The following TUSC3 variants were observed in gnomAD, a reference collection of about 807,000 sequenced individuals.
TUSC3 encodes the protein tumor suppressor candidate 3.
A neutral mutation model predicts 44.8 loss-of-function variants in TUSC3; 45 were observed. The observed-to-expected ratio is 1.00, with a 90% CI of 0.79 to 1.29. The LOEUF is 1.29. Ranked by LOEUF, TUSC3 falls within the 50% of genes most tolerant of loss-of-function variation. The pLI is 0.00. For missense variants in TUSC3, 519 were observed against 437.9 expected (o/e 1.19, Z -1.65); for synonymous variants, 212 against 152.9 (o/e 1.39, Z -2.85).
At chr8:15,759,753 C>G (rs1209956620) in intron 10 of TUSC3, among the ~76,000 whole-genome samples, 1 of 152,112 alleles carries the variant, frequency 6.6e-6, no homozygotes, top group East Asian at 1.9e-4. Context: ...TATACATTAT[C>G]AAGTCCTGAC....
intron 5 of TUSC3, among the ~76,000 whole-genome samples, chr8:15,662,805 G>A (rs763589596): frequency 2.6e-5 from 4 of 152,030 alleles, no homozygotes; most frequent in East Asian, 1.9e-4. Context: ...GTGCTATGAC[G>A]GCAGTAAGTA....
intron 9 of TUSC3, among the ~76,000 whole-genome samples, chr8:15,751,544 CAGT>C (rs1200454211): frequency 6.6e-6 from 1 of 152,110 alleles, no homozygotes; most frequent in Non-Finnish European, 1.5e-5. Flanking sequence ...TTTCATCCCC[CAGT>C]ATAGGGGCGT....
intron 7 of TUSC3, among the ~76,000 whole-genome samples, chr8:15,741,920 A>G (rs541865537): frequency 2.0e-5 from 3 of 152,160 alleles, no homozygotes; most frequent in Non-Finnish European, 4.4e-5. Context: ...GAAATCTCCT[A>G]CATATGAACA....
At chr8:15,750,980 A>G (rs352788) in intron 9 of TUSC3, among the ~76,000 whole-genome samples, 7,738 of 152,300 alleles carry the variant, frequency 0.051, 444 homozygotes, top group African/African-American at 0.14. Flanking sequence ...GAGCCTATCA[A>G]AGAAGCTTGG....
At chr8:15,608,029 T>C (rs1034108103) in intron 1 of TUSC3, among the ~76,000 whole-genome samples, 3 of 152,210 alleles carry the variant, frequency 2.0e-5, no homozygotes, top group African/African-American at 7.2e-5. Flanking sequence ...CAAACCAGAA[T>C]GGTGAGAATG....
At position 15,563,685 on chromosome 8, in the gene TUSC3, CAA is replaced by C. The variant is rs150368776; in HGVS notation, c.138+23136_138+23137del. Among the ~76,000 whole-genome samples, 226 of 79,948 alleles carry C rather than the reference CAA, an allele frequency of 2.8e-3. 1 individual carries two copies. Among genetic ancestry groups the C allele is most frequent in the South Asian group, 0.028 (49 of 1,776 alleles). The allele number at this position is 79,948 out of a possible 152,430, so 52.4% of individuals were successfully genotyped here. A position where few individuals can be genotyped will look rare whatever the true frequency, so the allele number is the denominator to read the frequency against. ...TGAGTGACAGAGTGAGCCTCCATCT[CAA>C]AAAAAAAAAAAAAAAAAAGAACAAC... On this transcript the variant is annotated intron_variant, in intron 1 of 10. Transcript: ENST00000503731.
At chr8:15,551,308 T>C (rs1481010132) in intron 1 of TUSC3, among the ~76,000 whole-genome samples, 4 of 151,706 alleles carry the variant, frequency 2.6e-5, no homozygotes, top group Admixed American at 6.6e-5. Context: ...ATATAAAATA[T>C]GGTAATAGAA....
At chr8:15,772,254 G>A in the TUSC3 span, among the ~76,000 whole-genome samples, 9 of 151,986 alleles carry the variant, frequency 5.9e-5, no homozygotes, top group East Asian at 1.9e-4. Flanking sequence ...CAATGAAACC[G>A]AAAGTTGGTT....
At chr8:15,474,330 A>G (rs1429289289) in intron 1 of TUSC3, among the ~76,000 whole-genome samples, 1 of 152,174 alleles carries the variant, frequency 6.6e-6, no homozygotes. Context: ...AGTGGTCCTG[A>G]GGTGATGTAC....
chr8:15,569,243 T>G (rs571304657), intron 1 of TUSC3, among the ~76,000 whole-genome samples: 1 of 152,298 alleles, frequency 6.6e-6, no homozygotes, highest in East Asian at 1.9e-4. Context: ...CTAAATTCTT[T>G]TAGTCATTCT....
At chr8:15,733,460 A>G in intron 7 of TUSC3, 2 of 369,998 alleles carry the variant, frequency 5.4e-6, no homozygotes, top group South Asian at 4.1e-5. Context: ...ACCGAGCTGA[A>G]GGATGAAAAG....
At chr8:15,475,136 C>T (rs1325547096) in intron 1 of TUSC3, among the ~76,000 whole-genome samples, 1 of 152,112 alleles carries the variant, frequency 6.6e-6, no homozygotes, top group Non-Finnish European at 1.5e-5. Flanking sequence ...TTATTATGCT[C>T]TGAGGCACCA....
At chr8:15,426,620 A>T (rs974231233) in intron 1 of TUSC3, among the ~76,000 whole-genome samples, 2 of 152,110 alleles carry the variant, frequency 1.3e-5, no homozygotes, top group African/African-American at 2.4e-5. Context: ...ATTATATGTT[A>T]TTTCCCCATT....
chr8:15,645,982 T>C (rs1267142473), intron 2 of TUSC3, among the ~76,000 whole-genome samples: 1 of 152,136 alleles, frequency 6.6e-6, no homozygotes. Context: ...AACTATATTA[T>C]TCATCATCAG....
the TUSC3 span, among the ~76,000 whole-genome samples, chr8:15,791,322 AT>A: frequency 1.3e-5 from 2 of 151,912 alleles, no homozygotes; most frequent in Non-Finnish European, 2.9e-5. Flanking sequence ...TTGAAATACG[AT>A]TATCCATAGT....
chr8:15,842,391 A>C, the TUSC3 span, among the ~76,000 whole-genome samples: 1 of 152,208 alleles, frequency 6.6e-6, no homozygotes, highest in Admixed American at 6.5e-5. Flanking sequence ...GATATTGTAC[A>C]CAAAGCTCTT....
chr8:15,590,467 A>G (rs1271545449), intron 1 of TUSC3, among the ~76,000 whole-genome samples: 3 of 152,052 alleles, frequency 2.0e-5, no homozygotes, highest in Admixed American at 6.5e-5. Context: ...CTCTCCCAGC[A>G]TCTAAGAAAA....
At chr8:15,560,910 T>C (rs1017696673) in intron 1 of TUSC3, among the ~76,000 whole-genome samples, 1 of 61,498 alleles carries the variant, frequency 1.6e-5, no homozygotes, top group Admixed American at 1.7e-4. Context: ...TTCTTCTAAA[T>C]TTTTTTCAAA....
intron 1 of TUSC3, among the ~76,000 whole-genome samples, chr8:15,585,953 G>T (rs533244922): frequency 6.6e-6 from 1 of 152,090 alleles, no homozygotes; most frequent in South Asian, 2.1e-4. Flanking sequence ...GAATTCCTAC[G>T]GAATAAAGAG....
Sources: gnomAD v4.1 joint callset for allele counts (sites outside exome capture counted in the v4.1 genomes callset) on GRCh38, gnomAD v4.1.1 for gene constraint, MANE v1.5 for transcripts, NCBI Gene and HGNC (gene_info 2026-07-23, HGNC 2026-07-21) for gene names.